Variants in MTSS1 observed in about 807,000 individuals in gnomAD.
The protein encoded by MTSS1 is MTSS I-BAR domain containing 1, also known as protein MTSS 1.
In MTSS1, 18 loss-of-function variants were observed where a neutral mutation model predicts 79.0. That is an observed-to-expected ratio of 0.23 (90% confidence interval 0.16 to 0.34). The LOEUF (loss-of-function observed/expected upper bound fraction) is 0.34. Among genes scored for constraint, MTSS1 ranks in the 10% least tolerant of loss-of-function variants. MTSS1 has a pLI of 1.00. For missense variants in MTSS1, 815 were observed against 986.2 expected (o/e 0.83, Z 2.33); for synonymous variants, 341 against 368.6 (o/e 0.93, Z 0.86).
intron 3 of MTSS1, among the ~76,000 whole-genome samples, chr8:124,643,924 A>T (rs1818542646): frequency 6.6e-6 from 1 of 152,180 alleles, no homozygotes; most frequent in Non-Finnish European, 1.5e-5. Flanking sequence ...CAAGTAATTT[A>T]TTTAAAGTCA....
chr8:124,590,143 C>T (rs7839970), intron 4 of MTSS1, among the ~76,000 whole-genome samples: 55,545 of 152,188 alleles, frequency 0.36, 10,500 homozygotes, highest in East Asian at 0.55. Context: ...GCGAGAGCCA[C>T]CGCGCCTGGC....
intron 3 of MTSS1, among the ~76,000 whole-genome samples, chr8:124,644,301 T>A (rs1374363739): frequency 2.0e-5 from 3 of 152,222 alleles, no homozygotes; most frequent in African/African-American, 7.2e-5. Context: ...CAACCACAGA[T>A]GAAAAAGTCT....
At position 124,566,944 on chromosome 8, in the gene MTSS1, T is replaced by C. The variant is rs1826622306; in HGVS notation, c.726+127A>G. 5 of 704,240 alleles carry C rather than the reference T, an allele frequency of 7.1e-6. No homozygotes were observed. In the Admixed American group the frequency reaches 1.1e-4, roughly 15 times the overall value. The allele number at this position is 704,240 out of a possible 1,614,324, so 43.6% of individuals were successfully genotyped here. A position where few individuals can be genotyped will look rare whatever the true frequency, so the allele number is the denominator to read the frequency against. On this transcript the variant is annotated intron_variant, in intron 8 of 13. Transcript: ENST00000518547. The stretch of plus-strand genomic sequence containing the variant: ...AGCTCGCTGTGGTGATTTCATATAT[T>C]ACATCATGAAGGACGTGGTGAATAT...
At chr8:124,563,277 G>A in intron 9 of MTSS1, 1 of 429,912 alleles carries the variant, frequency 2.3e-6, no homozygotes, top group Non-Finnish European at 4.3e-6. Flanking sequence ...TTCTTACGAG[G>A]GAGGTCTGGG....
At chr8:124,662,389 C>T (rs962878345) in intron 3 of MTSS1, among the ~76,000 whole-genome samples, 1 of 152,136 alleles carries the variant, frequency 6.6e-6, no homozygotes, top group Non-Finnish European at 1.5e-5. Flanking sequence ...TCAATAAATA[C>T]TTCTGAATAA....
In MTSS1 at chr8:124,556,381, C is replaced by T. The variant is rs1214836042; in HGVS notation, c.1255G>A (p.Asp419Asn). Residue 419 changes from aspartate (D) to asparagine (N), a missense_variant, in exon 12 of 14, where the codon GAC becomes AAC. Asp to Asn is a conservative substitution (Grantham distance 23). This residue lies in a region of MTSS1 where 590 missense variants were observed against 620.8 expected (regional missense o/e 0.95). Transcript: ENST00000518547. ...WKDWAKPGPY[D>N]QPLVNTLQRR... is the part of the protein sequence containing the mutation. ...TGCAGGGTGTTCACCAGAGGCTGGT[C>T]ATAGGGCCCAGGCTTAGCCCAGTCC... 25 of 1,613,554 alleles carry T rather than the reference C, an allele frequency of 1.5e-5. No homozygotes were observed. Among genetic ancestry groups the T allele is most frequent in the Non-Finnish European group, 2.1e-5 (25 of 1,179,752 alleles).
intron 1 of MTSS1, among the ~76,000 whole-genome samples, chr8:124,723,349 A>C (rs913468312): frequency 6.6e-6 from 1 of 152,182 alleles, no homozygotes; most frequent in African/African-American, 2.4e-5. Context: ...ACCAGGCAAA[A>C]TCCAAACTCA....
At chr8:124,614,679 C>A (rs1836514790) in intron 3 of MTSS1, among the ~76,000 whole-genome samples, 1 of 152,236 alleles carries the variant, frequency 6.6e-6, no homozygotes. Context: ...GCATCAGATG[C>A]TACTGAACCT....
rs1371684112 is a variant in MTSS1, at chr8:124,616,160, G to A, written c.209-24925C>T. Among the ~76,000 whole-genome samples, 4 of 152,220 alleles carry A rather than the reference G, an allele frequency of 2.6e-5. No homozygotes were observed. The East Asian group carries it at 5.8e-4, about 22-fold the overall frequency. On this transcript the variant is annotated intron_variant, in intron 3 of 13. Transcript: ENST00000518547. ...ACACATTCAACATGAACATGCAAAC[G>A]CTCTGCTGTGATGTCAGAAGAGGCC...
chr8:124,653,228 C>T (rs1820322468), intron 3 of MTSS1, among the ~76,000 whole-genome samples: 2 of 152,194 alleles, frequency 1.3e-5, no homozygotes, highest in African/African-American at 2.4e-5. Flanking sequence ...AGTGTGGCAG[C>T]CCTCTGAGGG....
chr8:124,624,195 C>T (rs1459552485), intron 3 of MTSS1, among the ~76,000 whole-genome samples: 1 of 152,198 alleles, frequency 6.6e-6, no homozygotes, highest in Non-Finnish European at 1.5e-5. Flanking sequence ...AAGACAGCCC[C>T]CGTCCTCAAT....
chr8:124,582,913 T>C lies in MTSS1; in HGVS notation c.460+2174A>G, dbSNP rs976385490. Among the ~76,000 whole-genome samples the C allele has an allele frequency of 1.3e-5, 2 of 152,170 alleles. No individual in the cohort carries two copies. The highest frequency in any genetic ancestry group is 2.4e-5 in the African/African-American group (1 of 41,414). On this transcript the variant is annotated intron_variant, in intron 6 of 13. Transcript: ENST00000518547. The surrounding 1 kb of genome is among the most constrained non-coding windows in gnomAD (Gnocchi z 4.8). ...GAGAGCTCTCCATAAAAGATTCCAGTCCGAATGTGACTCTAGTACCTTTCA... is the reference window on the plus strand; with the variant it reads ...GAGAGCTCTCCATAAAAGATTCCAGCCCGAATGTGACTCTAGTACCTTTCA...
chr8:124,691,806 G>A (rs541708672), intron 3 of MTSS1, among the ~76,000 whole-genome samples: 7 of 152,186 alleles, frequency 4.6e-5, no homozygotes, highest in South Asian at 4.2e-4. Flanking sequence ...GTGAGCCACC[G>A]CATCCGGCTG....
chr8:124,595,147 T>C (rs1419680130), intron 3 of MTSS1, among the ~76,000 whole-genome samples: 1 of 152,188 alleles, frequency 6.6e-6, no homozygotes, highest in Non-Finnish European at 1.5e-5. Context: ...GTATCTTGTT[T>C]AATCCCCACA....
At chr8:124,596,486 G>A (rs1832782924) in intron 3 of MTSS1, among the ~76,000 whole-genome samples, 1 of 152,212 alleles carries the variant, frequency 6.6e-6, no homozygotes, top group African/African-American at 2.4e-5. Context: ...AATCATCAGT[G>A]GAAAGGAAGA....
intron 3 of MTSS1, among the ~76,000 whole-genome samples, chr8:124,637,493 A>G (rs1468418126): frequency 6.6e-6 from 1 of 152,216 alleles, no homozygotes; most frequent in East Asian, 1.9e-4. Flanking sequence ...CGGCTCCAAC[A>G]TGGGCAGGCT....
chr8:124,687,146 C>T (rs532635766), intron 3 of MTSS1, among the ~76,000 whole-genome samples: 6 of 152,278 alleles, frequency 3.9e-5, no homozygotes, highest in East Asian at 3.9e-4. Flanking sequence ...AAAACACAAA[C>T]GCCAGAGCGA....
chr8:124,706,279 C>A (rs1034532466), intron 1 of MTSS1, among the ~76,000 whole-genome samples: 14 of 152,132 alleles, frequency 9.2e-5, no homozygotes, highest in Admixed American at 6.5e-4. Context: ...AAATCTGGAC[C>A]AATGTATTGC....
At chr8:124,569,185 T>A (rs1827216710) in intron 6 of MTSS1, among the ~76,000 whole-genome samples, 1 of 152,170 alleles carries the variant, frequency 6.6e-6, no homozygotes, top group South Asian at 2.1e-4. Flanking sequence ...AAGTGGGGTC[T>A]ATGCGGAGCC....
Sources: allele counts gnomAD v4.1 joint callset (sites outside exome capture counted in the v4.1 genomes callset), GRCh38; gene constraint gnomAD v4.1.1; regional missense constraint gnomAD v4.1.1; non-coding constraint Gnocchi (gnomAD v3.1); transcripts MANE v1.5; gene names NCBI Gene and HGNC (gene_info 2026-07-23, HGNC 2026-07-21).